The following DAGLA variants were observed in gnomAD, a reference collection of about 807,000 sequenced individuals.
DAGLA encodes the protein diacylglycerol lipase-alpha.
Under a neutral mutation model 102.6 loss-of-function variants are expected in DAGLA, and 22 were observed. That is an observed-to-expected ratio of 0.21 (90% CI 0.15 to 0.31). The LOEUF (loss-of-function observed/expected upper bound fraction) is 0.31. Among genes scored for constraint, DAGLA ranks in the 10% least tolerant of loss-of-function variants. The pLI, the probability that DAGLA is intolerant of heterozygous loss-of-function variation, is 1.00. For synonymous variants in DAGLA, 578 were observed against 628.9 expected (o/e 0.92, Z 1.21); for missense variants, 927 against 1,446.6 (o/e 0.64, Z 5.83).
intron 1 of DAGLA, among the ~76,000 whole-genome samples, chr11:61,703,358 G>A (rs1357559810): frequency 6.7e-6 from 1 of 148,588 alleles, no homozygotes; most frequent in Non-Finnish European, 1.5e-5. Context: ...GGGTACCTAA[G>A]ATTTGGCAGG....
At position 61,744,441 on chromosome 11, in the gene DAGLA, C is replaced by G. The variant is rs368320691; in HGVS notation, c.3081C>G (p.His1027Gln). 1.2e-5 allele frequency: 19 copies of G among 1,595,984 alleles called. No individual in the cohort carries two copies. The Admixed American group carries it at 3.2e-4, about 27-fold the overall frequency. ...DKIRTSTPTG[H>Q]GASPAKQDEL... is the part of the protein sequence containing the mutation. Reference sequence around the variant, plus strand: ...TCCGGACTTCTACCCCCACTGGCCACGGAGCCAGCCCCGCCAAGCAAGATG... The same window carrying G: ...TCCGGACTTCTACCCCCACTGGCCAGGGAGCCAGCCCCGCCAAGCAAGATG... Residue 1027 changes from histidine (H) to glutamine (Q), a missense_variant, in exon 20 of 20, where the codon CAC (histidine) becomes CAG (glutamine). Physicochemically the swap from His to Gln is conservative, Grantham distance 24. Coordinates refer to ENST00000257215, the MANE Select transcript of DAGLA (RefSeq NM_006133.3).
chr11:61,721,202 T>C (rs977614884), intron 3 of DAGLA, among the ~76,000 whole-genome samples: 3 of 152,120 alleles, frequency 2.0e-5, no homozygotes, highest in Admixed American at 6.5e-5. Flanking sequence ...GAGACCAGCC[T>C]GGCGAACATG....
chr11:61,744,507 C>T lies in DAGLA; in HGVS notation c.*18C>T, dbSNP rs2065519693. 6.6e-7 allele frequency: 1 copy of T among 1,523,898 alleles called. No individual in the cohort carries two copies. The highest frequency in any genetic ancestry group is 8.8e-7 in the Non-Finnish European group (1 of 1,134,396). 94.4% of individuals were successfully genotyped at this position (1,523,898 alleles called of 1,614,324 possible). A position where few individuals can be genotyped will look rare whatever the true frequency, so the allele number is the denominator to read the frequency against. On this transcript the variant is annotated 3_prime_UTR_variant, in exon 20 of 20. Coordinates refer to ENST00000257215, the MANE Select transcript of DAGLA (RefSeq NM_006133.3). Reference sequence around the variant, plus strand: ...CACGCTAGCACCCCAGTTGCGTGGCCAGCCGGGCCCAGGCAGGAGCAGGTG... The same window carrying T: ...CACGCTAGCACCCCAGTTGCGTGGCTAGCCGGGCCCAGGCAGGAGCAGGTG...
At position 61,686,828 on chromosome 11, in the gene DAGLA, G is replaced by A. The variant is rs746311755; in HGVS notation, c.-45+6324G>A. On this transcript the variant is annotated intron_variant, in intron 1 of 19. Transcript: ENST00000257215. The surrounding 1 kb of genome is among the most constrained non-coding windows in gnomAD (Gnocchi z 5.2). ...GTTAATCTATTATTGATGTCCCTTC[G>A]TTTATATAACATATGCTGCACCTCC... Among the ~76,000 whole-genome samples, 3 of 152,092 alleles carry A rather than the reference G, an allele frequency of 2.0e-5. No homozygotes were observed. The highest frequency in any genetic ancestry group is 1.3e-4 in the Admixed American group (2 of 15,270).
At chr11:61,730,645 ACCT>A (rs2065365778) in intron 8 of DAGLA, among the ~76,000 whole-genome samples, 1 of 151,924 alleles carries the variant, frequency 6.6e-6, no homozygotes, top group Non-Finnish European at 1.5e-5. Context: ...GCAGCCAATA[ACCT>A]CCTCAGCATC....
intron 1 of DAGLA, among the ~76,000 whole-genome samples, chr11:61,717,916 C>T (rs1485695272): frequency 6.6e-6 from 1 of 152,202 alleles, no homozygotes; most frequent in African/African-American, 2.4e-5. Context: ...GGGCCAGGTT[C>T]GGCTCACTCC....
chr11:61,697,700 A>T (rs1207062720), intron 1 of DAGLA, among the ~76,000 whole-genome samples: 5 of 151,622 alleles, frequency 3.3e-5, no homozygotes, highest in Admixed American at 3.3e-4. Context: ...TTTATTTTTT[A>T]GACAGGGTCT....
intron 12 of DAGLA, among the ~76,000 whole-genome samples, 164 bp downstream of exon 12, chr11:61,735,980 G>A (rs1383678077): frequency 2.0e-5 from 3 of 152,168 alleles, no homozygotes; most frequent in Non-Finnish European, 4.4e-5. Flanking sequence ...GCCCACTGCT[G>A]CGACCCCACT....
At chr11:61,740,679 G>A (rs371623934) in intron 18 of DAGLA, 87 bp downstream of exon 18, 33 of 1,530,018 alleles carry the variant, frequency 2.2e-5, no homozygotes, top group Middle Eastern at 1.7e-4. Context: ...ATCACTGCCC[G>A]ATTTTACAGA....
intron 1 of DAGLA, among the ~76,000 whole-genome samples, chr11:61,695,113 A>G (rs1265655677): frequency 1.3e-5 from 2 of 152,162 alleles, no homozygotes; most frequent in African/African-American, 4.8e-5. Context: ...ACTGAGAGGC[A>G]GGGTTGGGAG....
intron 19 of DAGLA, among the ~76,000 whole-genome samples, chr11:61,742,615 A>T (rs1487110156): frequency 6.6e-6 from 1 of 152,182 alleles, no homozygotes; most frequent in Non-Finnish European, 1.5e-5. Flanking sequence ...GCTGCGGCCC[A>T]TGGGAGACAG....
At chr11:61,741,672 C>A (rs542528285) in intron 19 of DAGLA, among the ~76,000 whole-genome samples, 1 of 146,752 alleles carries the variant, frequency 6.8e-6, no homozygotes, top group East Asian at 2.0e-4. Flanking sequence ...AGTGCAATGG[C>A]GCGACCTTGG....
Position 61,696,872 on chromosome 11 carries a change from T to C in DAGLA, c.-45+16368T>C, listed in dbSNP as rs545855553. The stretch of plus-strand genomic sequence containing the variant: ...AGTGTGCGGCTTGTGAGCTGGCCTG[T>C]GGGGGCAGTGGCAGCAGAGCTGCGT... On this transcript the variant is annotated intron_variant, in intron 1 of 19. Coordinates refer to ENST00000257215, the MANE Select transcript of DAGLA (RefSeq NM_006133.3). Among the ~76,000 whole-genome samples the C allele has an allele frequency of 8.7e-5, 13 of 149,388 alleles. No individual in the cohort carries two copies. The South Asian group carries it at 1.9e-3, about 22-fold the overall frequency.
chr11:61,728,803 A>C, intron 7 of DAGLA, 128 bp from the exon 8 acceptor site: 1 of 728,968 alleles, frequency 1.4e-6, no homozygotes, highest in Non-Finnish European at 2.4e-6. Flanking sequence ...AAGAACTAGA[A>C]GCTGCATGCT....
rs185241283 is a variant in DAGLA at position 61,705,996 on chromosome 11, G to A, written c.-44-14116G>A. Among the ~76,000 whole-genome samples, 6 of 152,364 alleles carry A rather than the reference G, an allele frequency of 3.9e-5. No individual in the cohort carries two copies. In the East Asian group the frequency reaches 1.2e-3, roughly 29 times the overall value. ...AGCCTGGGGTTTGAGGCCTGGGCCT[G>A]TCTGGGATCTCTGGAGGAGGGAAGG... On this transcript the variant is annotated intron_variant, in intron 1 of 19. Transcript: ENST00000257215.
chr11:61,698,647 G>A (rs187946894), intron 1 of DAGLA, among the ~76,000 whole-genome samples: 8 of 152,324 alleles, frequency 5.3e-5, no homozygotes, highest in Admixed American at 1.3e-4. Context: ...TTGGCCAAAT[G>A]TGCCGGCAGC....
intron 9 of DAGLA, among the ~76,000 whole-genome samples, chr11:61,733,419 CAA>C (rs2065393562): frequency 6.6e-6 from 1 of 152,252 alleles, no homozygotes; most frequent in South Asian, 2.1e-4. Context: ...GCTTTCTCAG[CAA>C]AGTCTCTCCC....
Position 61,737,330 on chromosome 11 carries a change from C to A in DAGLA, c.1514+6C>A. 6.2e-7 allele frequency: 1 copy of A among 1,609,578 alleles called. No homozygotes were observed. Among genetic ancestry groups the A allele is most frequent in the Middle Eastern group, 1.6e-4 (1 of 6,062 alleles). ...CCGCCAGGGGGCCTGCTGAGGTGAG[C>A]CATCTGGGGCTTCAGAGTTGGCTGG... On this transcript the variant is annotated splice_donor_region_variant and intron_variant, in intron 14 of 19. Coordinates refer to ENST00000257215, the MANE Select transcript of DAGLA (RefSeq NM_006133.3).
At chr11:61,710,934 C>T (rs2065189555) in intron 1 of DAGLA, among the ~76,000 whole-genome samples, 3 of 152,302 alleles carry the variant, frequency 2.0e-5, no homozygotes, top group South Asian at 4.1e-4. Context: ...GACTGACGCT[C>T]AGTGAAGTGA....
Sources: gnomAD v4.1 joint callset for allele counts (sites outside exome capture counted in the v4.1 genomes callset) on GRCh38, gnomAD v4.1.1 for gene constraint, Gnocchi (gnomAD v3.1) non-coding constraint, MANE v1.5 for transcripts, NCBI Gene and HGNC (gene_info 2026-07-23, HGNC 2026-07-21) for gene names.